The following SMARCAD1 variants were observed in gnomAD, a reference collection of about 807,000 sequenced individuals.
SMARCAD1 encodes the protein SNF2 related chromatin remodeling ATPase with DExD box 1.
In SMARCAD1, 25 loss-of-function variants were observed where a neutral mutation model predicts 127.1. The ratio of observed to expected loss-of-function variants is 0.20; its 90% CI spans 0.14 to 0.27. SMARCAD1 has a LOEUF of 0.27. Among genes scored for constraint, SMARCAD1 ranks in the 10% least tolerant of loss-of-function variants. The probability of loss-of-function intolerance (pLI) is 1.00; values close to 1 mark genes in which losing one functional copy is unlikely to be tolerated. For synonymous variants in SMARCAD1, 400 were observed against 396.9 expected (o/e 1.01, Z -0.09); for missense variants, 807 against 1,206.0 (o/e 0.67, Z 4.90).
chr4:94,208,232 C>G (rs751597058), intron 1 of SMARCAD1, 114 bp from the exon 2 acceptor site: 1 of 773,662 alleles, frequency 1.3e-6, no homozygotes, highest in Non-Finnish European at 2.3e-6. Context: ...CATAACAGTC[C>G]TGAGCCACTG....
chr4:94,246,361 C>G (rs1748421179), intron 6 of SMARCAD1, among the ~76,000 whole-genome samples: 1 of 152,084 alleles, frequency 6.6e-6, no homozygotes, highest in Non-Finnish European at 1.5e-5. Flanking sequence ...CCTCGTGATC[C>G]ACCCGCCTCA....
chr4:94,280,908 T>C lies in SMARCAD1; in HGVS notation c.2607+128T>C, dbSNP rs1753918969. 4 of 901,268 alleles carry C rather than the reference T, an allele frequency of 4.4e-6. No homozygotes were observed. In the African/African-American group the frequency reaches 6.7e-5, roughly 15 times the overall value. 55.8% of individuals were successfully genotyped at this position (901,268 alleles called of 1,614,324 possible). A position where few individuals can be genotyped will look rare whatever the true frequency, so the allele number is the denominator to read the frequency against. The stretch of plus-strand genomic sequence containing the variant: ...TGCATTCTTCCAGAACTTAGTGTTT[T>C]GAACATTTTCTTGACGTATTTTCTT... On this transcript the variant is annotated intron_variant, in intron 20 of 23. Coordinates refer to ENST00000354268, the MANE Select transcript of SMARCAD1 (RefSeq NM_020159.5).
intron 2 of SMARCAD1, chr4:94,212,944 AT>A (rs1441082041): frequency 3.4e-6 from 2 of 594,050 alleles, no homozygotes; most frequent in South Asian, 1.5e-5. Context: ...CTGCCCCCTG[AT>A]TTATTTTACT....
At chr4:94,211,178 A>G (rs1197295697) in intron 2 of SMARCAD1, among the ~76,000 whole-genome samples, 1 of 152,180 alleles carries the variant, frequency 6.6e-6, no homozygotes, top group Non-Finnish European at 1.5e-5. Flanking sequence ...AGGCTGAAGC[A>G]GGAGAATCAC....
chr4:94,213,213 C>A, intron 2 of SMARCAD1: 1 of 649,972 alleles, frequency 1.5e-6, no homozygotes, highest in Non-Finnish European at 2.3e-6. Context: ...GGGCAAAATA[C>A]TAAGCAAAGT....
Position 94,276,487 on chromosome 4 carries a change from T to C in SMARCAD1, c.1944+13T>C. 5 of 1,613,812 alleles carry C rather than the reference T, an allele frequency of 3.1e-6. No homozygotes were observed. Among genetic ancestry groups the C allele is most frequent in the Non-Finnish European group, 4.2e-6 (5 of 1,179,854 alleles). On this transcript the variant is annotated intron_variant, in intron 15 of 23. Transcript: ENST00000354268. ...TATGACAATTAATGTAAGAGAATGT[T>C]TGTAAAGTTTTCCAAATTACTGTAA...
intron 2 of SMARCAD1, among the ~76,000 whole-genome samples, chr4:94,223,221 G>C (rs892125361): frequency 6.6e-6 from 1 of 151,912 alleles, no homozygotes; most frequent in Non-Finnish European, 1.5e-5. Context: ...AGGGCCGGGC[G>C]TGGTAGCTCA....
chr4:94,287,799 A>G (rs1579391930), intron 23 of SMARCAD1, among the ~76,000 whole-genome samples: 1 of 152,116 alleles, frequency 6.6e-6, no homozygotes, highest in East Asian at 1.9e-4. Context: ...ATATATATAT[A>G]TTACCACAAT....
intron 12 of SMARCAD1, 118 bp from the exon 13 acceptor site, chr4:94,274,620 A>G (rs1204062916): frequency 1.2e-5 from 12 of 1,006,118 alleles, no homozygotes; most frequent in Non-Finnish European, 1.7e-5. Context: ...CTGGGCCAGT[A>G]TTTACTTTTT....
chr4:94,278,787 C>T (rs549302222), intron 18 of SMARCAD1, 54 bp downstream of exon 18: 2 of 1,593,204 alleles, frequency 1.3e-6, no homozygotes, highest in East Asian at 4.5e-5. Context: ...ACTGGGGATG[C>T]ATTTTGTTTA....
chr4:94,224,833 C>T (rs1055210754), intron 2 of SMARCAD1, among the ~76,000 whole-genome samples: 5 of 152,066 alleles, frequency 3.3e-5, no homozygotes, highest in African/African-American at 1.2e-4. Context: ...ATATGTGTCC[C>T]TCATGATTAT....
At chr4:94,222,925 C>G (rs1744373737) in intron 2 of SMARCAD1, among the ~76,000 whole-genome samples, 1 of 152,016 alleles carries the variant, frequency 6.6e-6, no homozygotes, top group Non-Finnish European at 1.5e-5. Flanking sequence ...GATTGTGCCA[C>G]TGCACTCCAG....
At chr4:94,231,500 A>G (rs1161930361) in intron 3 of SMARCAD1, among the ~76,000 whole-genome samples, 2 of 152,234 alleles carry the variant, frequency 1.3e-5, no homozygotes, top group East Asian at 1.9e-4. Flanking sequence ...AGAAAATGAA[A>G]TAGTATATAA....
intron 22 of SMARCAD1, among the ~76,000 whole-genome samples, chr4:94,284,577 T>A (rs71581576): frequency 1.5e-4 from 3 of 20,610 alleles, no homozygotes; most frequent in Non-Finnish European, 3.0e-4. Flanking sequence ...TTGGTTTTTG[T>A]TTTTTTTTTT....
At chr4:94,252,503 T>G (rs1749428950) in intron 8 of SMARCAD1, 113 bp from the exon 9 acceptor site, 2 of 645,084 alleles carry the variant, frequency 3.1e-6, no homozygotes, top group Non-Finnish European at 4.9e-6. Flanking sequence ...AAATTGTCGT[T>G]GAATTCTTCT....
chr4:94,274,441 C>G (rs3113843), intron 12 of SMARCAD1, among the ~76,000 whole-genome samples: 1 of 152,030 alleles, frequency 6.6e-6, no homozygotes, highest in Non-Finnish European at 1.5e-5. Context: ...CTCAGCCTCC[C>G]GAGTAGCTGG....
chr4:94,245,042 C>G (rs1461777354), intron 6 of SMARCAD1, among the ~76,000 whole-genome samples: 2 of 152,060 alleles, frequency 1.3e-5, no homozygotes, highest in Admixed American at 1.3e-4. Context: ...GAGTAATATA[C>G]CGAGAGTGTT....
intron 5 of SMARCAD1, among the ~76,000 whole-genome samples, chr4:94,239,607 CTG>C (rs1347904697): frequency 1.3e-5 from 2 of 149,966 alleles, no homozygotes; most frequent in Admixed American, 1.3e-4. Flanking sequence ...GGGCCTCACT[CTG>C]TCACCTAGGC....
chr4:94,253,573 A>G, intron 9 of SMARCAD1: 2 of 1,090,378 alleles, frequency 1.8e-6, no homozygotes, highest in South Asian at 2.5e-5. Flanking sequence ...TGGCCATTTT[A>G]TGGAGTGTAG....
Sources: gnomAD v4.1 joint callset for allele counts (sites outside exome capture counted in the v4.1 genomes callset) on GRCh38, gnomAD v4.1.1 for gene constraint, MANE v1.5 for transcripts, NCBI Gene and HGNC (gene_info 2026-07-23, HGNC 2026-07-21) for gene names.